PDE8A: variants seen among roughly 807,000 people sequenced by gnomAD.
PDE8A encodes high affinity cAMP-specific and IBMX-insensitive 3',5'-cyclic phosphodiesterase 8A.
Under a neutral mutation model 105.0 loss-of-function variants are expected in PDE8A, and 59 were observed. That is an observed-to-expected ratio of 0.56 (90% confidence interval 0.46 to 0.70). The LOEUF is 0.70. Among genes scored for constraint, PDE8A ranks in the 30% least tolerant of loss-of-function variants. PDE8A has a pLI of 0.00. For synonymous variants in PDE8A, 355 were observed against 371.9 expected (o/e 0.95, Z 0.52); for missense variants, 1,014 against 1,045.9 (o/e 0.97, Z 0.42).
intron 11 of PDE8A, among the ~76,000 whole-genome samples, chr15:85,101,419 TAGA>T (rs2141567002): frequency 6.6e-6 from 1 of 152,146 alleles, no homozygotes; most frequent in East Asian, 1.9e-4. Flanking sequence ...AAAACAGGCA[TAGA>T]AGGGGGAAAG....
chr15:85,088,685 A>T (rs1349886706), intron 6 of PDE8A, among the ~76,000 whole-genome samples: 2 of 152,108 alleles, frequency 1.3e-5, no homozygotes, highest in Non-Finnish European at 2.9e-5. Context: ...CATGTTATCG[A>T]CTGTCTTTTT....
intron 1 of PDE8A, among the ~76,000 whole-genome samples, chr15:85,031,584 G>T (rs2080616097): frequency 6.6e-6 from 1 of 152,096 alleles, no homozygotes; most frequent in African/African-American, 2.4e-5. Flanking sequence ...ACCATGCAGT[G>T]ACTGAGTACA....
At chr15:84,985,394 A>G (rs1404413312) in intron 1 of PDE8A, among the ~76,000 whole-genome samples, 1 of 152,212 alleles carries the variant, frequency 6.6e-6, no homozygotes, top group Non-Finnish European at 1.5e-5. Flanking sequence ...TGCTGTGTTC[A>G]GTTTGAACAC....
intron 1 of PDE8A, among the ~76,000 whole-genome samples, chr15:85,014,617 C>T (rs1415446470): frequency 6.6e-6 from 1 of 152,028 alleles, no homozygotes; most frequent in Admixed American, 6.6e-5. Context: ...CAGTCAATTG[C>T]TCTTATTACC....
In PDE8A at chr15:85,015,065, A is replaced by G. The variant is rs367667616; in HGVS notation, c.186+32717A>G. On this transcript the variant is annotated intron_variant, in intron 1 of 21. Coordinates refer to ENST00000394553, the MANE Select transcript of PDE8A (RefSeq NM_002605.3). ...TGTCTGGTTTCTTTCAGTTAGCATA[A>G]TGTTTTCAAGGTTCATCCATGTTTT... is the stretch of plus-strand genomic sequence containing the variant. 4.6e-5 allele frequency among the ~76,000 whole-genome samples: 7 copies of G among 152,138 alleles called. No individual in the cohort carries two copies. The East Asian group carries it at 9.6e-4, about 21-fold the overall frequency.
chr15:85,013,698 T>C (rs774356138), intron 1 of PDE8A, among the ~76,000 whole-genome samples: 3 of 152,206 alleles, frequency 2.0e-5, no homozygotes, highest in Non-Finnish European at 4.4e-5. Flanking sequence ...TATTTCTCAC[T>C]GTTTCTTTGG....
At chr15:85,113,304 A>C in intron 12 of PDE8A, 73 bp from the exon 13 acceptor site, 1 of 1,222,512 alleles carries the variant, frequency 8.2e-7, no homozygotes. Flanking sequence ...AGCCGAGCAC[A>C]CTGAGCCCTC....
chr15:85,079,079 C>T (rs2081424681), intron 5 of PDE8A, among the ~76,000 whole-genome samples: 1 of 152,176 alleles, frequency 6.6e-6, no homozygotes, highest in Non-Finnish European at 1.5e-5. Context: ...TTCATGGTGC[C>T]TCCTGCTTTC....
intron 1 of PDE8A, among the ~76,000 whole-genome samples, chr15:84,998,549 T>C (rs1301687457): frequency 6.6e-6 from 1 of 152,238 alleles, no homozygotes; most frequent in Non-Finnish European, 1.5e-5. Flanking sequence ...TACCTATTTT[T>C]TCATCTCAGT....
intron 1 of PDE8A, among the ~76,000 whole-genome samples, chr15:85,043,297 C>T (rs1231219497): frequency 6.6e-6 from 1 of 152,174 alleles, no homozygotes; most frequent in East Asian, 1.9e-4. Flanking sequence ...TGGCTCCCTG[C>T]TCCCTGGGGC....
chr15:85,052,642 T>A (rs1596474215), intron 1 of PDE8A, among the ~76,000 whole-genome samples: 1 of 152,264 alleles, frequency 6.6e-6, no homozygotes, highest in Non-Finnish European at 1.5e-5. Flanking sequence ...TGTCTGTTCA[T>A]ATCCTTTGCC....
At chr15:85,077,263 A>C (rs1455228541) in intron 5 of PDE8A, among the ~76,000 whole-genome samples, 1 of 152,192 alleles carries the variant, frequency 6.6e-6, no homozygotes, top group East Asian at 1.9e-4. Context: ...AAGGCAGCCC[A>C]AACACAGCTC....
At position 85,117,781 on chromosome 15, in the gene PDE8A, C is replaced by T; in HGVS notation, c.1676C>T (p.Thr559Ile). 10 of 1,614,074 alleles carry T rather than the reference C, an allele frequency of 6.2e-6. No individual in the cohort carries two copies. Among genetic ancestry groups the T allele is most frequent in the Non-Finnish European group, 8.5e-6 (10 of 1,179,924 alleles). The change falls in exon 17 of 22, where the codon ACA becomes ATA. Residue 559 changes from threonine to isoleucine, a missense_variant. Thr to Ile is a moderately conservative substitution (Grantham distance 89). Coordinates refer to ENST00000394553, the MANE Select transcript of PDE8A (RefSeq NM_002605.3). ...YHSSNPYHNS[T>I]HSADVLHATA... is the part of the protein sequence containing the mutation. Reference sequence around the variant, plus strand: ...TCCTCCAATCCCTACCACAATTCTACACATTCTGCTGATGTGCTTCATGCC... The same window carrying T: ...TCCTCCAATCCCTACCACAATTCTATACATTCTGCTGATGTGCTTCATGCC...
chr15:84,996,454 A>C (rs901548520), intron 1 of PDE8A, among the ~76,000 whole-genome samples: 2 of 152,174 alleles, frequency 1.3e-5, no homozygotes, highest in Non-Finnish European at 2.9e-5. Flanking sequence ...TGCTGAGATT[A>C]CAGGCATGAG....
intron 2 of PDE8A, among the ~76,000 whole-genome samples, chr15:85,066,304 C>T (rs2081224082): frequency 6.6e-6 from 1 of 151,966 alleles, no homozygotes; most frequent in Non-Finnish European, 1.5e-5. Context: ...CTCACACCTG[C>T]AATCCCAGCA....
At chr15:85,003,678 T>C (rs1358750574) in intron 1 of PDE8A, among the ~76,000 whole-genome samples, 1 of 152,222 alleles carries the variant, frequency 6.6e-6, no homozygotes, top group African/African-American at 2.4e-5. Flanking sequence ...ACTTTTCCAC[T>C]TACTCTGTTT....
At chr15:85,132,333 G>T (rs1051995297) in intron 20 of PDE8A, among the ~76,000 whole-genome samples, 3 of 152,104 alleles carry the variant, frequency 2.0e-5, no homozygotes, top group Admixed American at 6.5e-5. Context: ...CATAAGATGT[G>T]TATTGGTCCA....
In PDE8A at chr15:84,981,936, G is replaced by A; in HGVS notation, c.-227G>A. The A allele has an allele frequency of 3.8e-6, 1 of 266,092 alleles. No homozygotes were observed. Among genetic ancestry groups the A allele is most frequent in the East Asian group, 7.2e-5 (1 of 13,970 alleles). 16.5% of individuals were successfully genotyped at this position (266,092 alleles called of 1,614,324 possible). ...AGGGCATGTTCGGAGGGGCGGCCTC[G>A]GCACGCCACCCGCCTAAGCGCCCCC... On this transcript the variant is annotated 5_prime_UTR_variant, in exon 1 of 22. Coordinates refer to ENST00000394553, the MANE Select transcript of PDE8A (RefSeq NM_002605.3).
intron 8 of PDE8A, among the ~76,000 whole-genome samples, chr15:85,095,903 T>C (rs771397988): frequency 2.7e-5 from 4 of 150,864 alleles, no homozygotes; most frequent in Non-Finnish European, 5.9e-5. Flanking sequence ...TTTTTGTTTT[T>C]GTTTTTGTTT....
Sources: gnomAD v4.1 joint callset for allele counts (sites outside exome capture counted in the v4.1 genomes callset) on GRCh38, gnomAD v4.1.1 for gene constraint, MANE v1.5 for transcripts, NCBI Gene and HGNC (gene_info 2026-07-23, HGNC 2026-07-21) for gene names.